The following SPIDR variants were observed in gnomAD, a reference collection of about 807,000 sequenced individuals.
SPIDR encodes the protein DNA repair-scaffolding protein.
SPIDR carries 93 observed loss-of-function variants against 104.6 expected under a neutral mutation model. That is an observed-to-expected ratio of 0.89 (90% confidence interval 0.75 to 1.06). The LOEUF (loss-of-function observed/expected upper bound fraction) is 1.06, where lower values mean the gene tolerates loss of function less well. Ranked by LOEUF, SPIDR falls within the 50% of genes least tolerant of loss-of-function variation. SPIDR has a pLI of 0.00. For synonymous variants in SPIDR, 431 were observed against 416.9 expected, an observed-to-expected ratio of 1.03 and a Z score of -0.41; for missense variants, 1,154 against 1,111.2, an observed-to-expected ratio of 1.04 and a Z score of -0.55.
intron 10 of SPIDR, among the ~76,000 whole-genome samples, chr8:47,617,559 C>G (rs965726370): frequency 6.6e-6 from 1 of 152,182 alleles, no homozygotes. Context: ...CCCTTCAGTG[C>G]TGTCAAATGG....
intron 16 of SPIDR, among the ~76,000 whole-genome samples, chr8:47,725,021 G>C (rs2084004544): frequency 6.6e-6 from 1 of 152,198 alleles, no homozygotes; most frequent in South Asian, 2.1e-4. Context: ...GGAAAGAGGG[G>C]TGAAGTCCTA....
At chr8:47,498,139 G>T (rs1452490523) in intron 8 of SPIDR, among the ~76,000 whole-genome samples, 1 of 152,174 alleles carries the variant, frequency 6.6e-6, no homozygotes, top group Admixed American at 6.5e-5. Context: ...AGACCGATGT[G>T]TGTTTTCTTA....
At chr8:47,261,142 G>A in intron 1 of SPIDR, 151 bp downstream of exon 1, 1 of 968,728 alleles carries the variant, frequency 1.0e-6, no homozygotes, top group Non-Finnish European at 1.3e-6. Context: ...GTCTGCGCGC[G>A]TGGAGCAAGC....
At chr8:47,625,292 C>T (rs561946409) in intron 10 of SPIDR, among the ~76,000 whole-genome samples, 1 of 152,312 alleles carries the variant, frequency 6.6e-6, no homozygotes, top group East Asian at 1.9e-4. Context: ...ACTGAATGGG[C>T]AAAAACTGGA....
chr8:47,298,680 A>G (rs1461950766), intron 5 of SPIDR, among the ~76,000 whole-genome samples: 1 of 152,220 alleles, frequency 6.6e-6, no homozygotes, highest in Non-Finnish European at 1.5e-5. Flanking sequence ...ATGGCTAGCC[A>G]GTTTTCCCAG....
chr8:47,524,615 G>A (rs762427096), intron 8 of SPIDR, among the ~76,000 whole-genome samples: 3 of 152,200 alleles, frequency 2.0e-5, no homozygotes, highest in Non-Finnish European at 2.9e-5. Context: ...CTCCTGGCAC[G>A]TCTTGCGGGT....
Position 47,440,528 on chromosome 8 carries a change from G to C in SPIDR, c.1083G>C (p.Arg361=), listed in dbSNP as rs201957494. 2,203 of 1,613,870 alleles carry C rather than the reference G, an allele frequency of 1.4e-3. 3 individuals are homozygous for C. The highest frequency in any genetic ancestry group is 1.7e-3 in the Non-Finnish European group (2,018 of 1,179,910). The change falls in exon 8 of 20, where the codon CGG becomes CGC. Residue 361 remains arginine, a synonymous_variant. Coordinates refer to ENST00000297423, the MANE Select transcript of SPIDR (RefSeq NM_001080394.4). ...YLRGRPQDTV[R]IFPPWQKLII... is the part of the protein sequence containing the mutation. ...GGGGCCGTCCCCAGGACACTGTCCG[G>C]ATCTTCCCTCCCTGGTGAGTGCGCA...
At chr8:47,581,398 C>T (rs909505350) in intron 8 of SPIDR, among the ~76,000 whole-genome samples, 2 of 152,126 alleles carry the variant, frequency 1.3e-5, no homozygotes, top group East Asian at 1.9e-4. Context: ...TAGAATTAAA[C>T]GAGGGCTTTC....
chr8:47,317,210 A>T (rs988735499), intron 5 of SPIDR, among the ~76,000 whole-genome samples: 21 of 152,148 alleles, frequency 1.4e-4, no homozygotes, highest in Non-Finnish European at 2.4e-4. Context: ...TAGATGGAGA[A>T]AGGGATGACA....
At chr8:47,451,818 A>G (rs1376362980) in intron 8 of SPIDR, among the ~76,000 whole-genome samples, 1 of 152,138 alleles carries the variant, frequency 6.6e-6, no homozygotes, top group Non-Finnish European at 1.5e-5. Flanking sequence ...ACCAGAAAAA[A>G]TATTTGAAGA....
chr8:47,421,608 C>A (rs1237922784), intron 7 of SPIDR, among the ~76,000 whole-genome samples: 1 of 152,198 alleles, frequency 6.6e-6, no homozygotes, highest in African/African-American at 2.4e-5. Flanking sequence ...CTTCTCTCAA[C>A]TTGTGAAAGT....
At chr8:47,483,868 G>A (rs2077198586) in intron 8 of SPIDR, among the ~76,000 whole-genome samples, 1 of 152,062 alleles carries the variant, frequency 6.6e-6, no homozygotes, top group Admixed American at 6.6e-5. Flanking sequence ...TGCATTCTTA[G>A]AAGCGAGTAT....
At chr8:47,294,052 A>T in intron 5 of SPIDR, 22 bp downstream of exon 5, 38 of 1,597,548 alleles carry the variant, frequency 2.4e-5, no homozygotes, top group Non-Finnish European at 3.1e-5. Flanking sequence ...GTATTTCAAA[A>T]CTTTTATTCA....
chr8:47,552,626 C>CA (rs1262647224), intron 8 of SPIDR, among the ~76,000 whole-genome samples: 2 of 152,076 alleles, frequency 1.3e-5, no homozygotes, highest in Admixed American at 6.6e-5. Context: ...GATCTTCCTC[C>CA]ATCCCTTTGT....
Position 47,321,309 on chromosome 8 carries a change from G to C in SPIDR, c.525+27279G>C, listed in dbSNP as rs532617349. Among the ~76,000 whole-genome samples the C allele has an allele frequency of 2.0e-4, 31 of 152,024 alleles. No individual in the cohort carries two copies. In the South Asian group the frequency reaches 2.7e-3, roughly 13 times the overall value. ...TTCTTATACACCAATAACAGAGAAAGAGAGAGCCAAATTATGAGTGAACTC... is the reference window on the plus strand; with the variant it reads ...TTCTTATACACCAATAACAGAGAAACAGAGAGCCAAATTATGAGTGAACTC... On this transcript the variant is annotated intron_variant, in intron 5 of 19. Coordinates refer to ENST00000297423, the MANE Select transcript of SPIDR (RefSeq NM_001080394.4).
intron 7 of SPIDR, among the ~76,000 whole-genome samples, chr8:47,428,292 C>A (rs900530170): frequency 6.7e-6 from 1 of 148,464 alleles, no homozygotes. Context: ...TGTGTAGATA[C>A]GTGGGTGTCT....
chr8:47,277,279 G>A (rs2036629093), intron 1 of SPIDR, among the ~76,000 whole-genome samples: 1 of 151,216 alleles, frequency 6.6e-6, no homozygotes, highest in South Asian at 2.1e-4. Flanking sequence ...GATCTTGGTG[G>A]TTTTATTTTA....
intron 10 of SPIDR, among the ~76,000 whole-genome samples, chr8:47,611,990 C>T (rs2063672186): frequency 6.6e-6 from 1 of 152,110 alleles, no homozygotes; most frequent in Non-Finnish European, 1.5e-5. Context: ...TGAGGCCTTC[C>T]ACACGTACCT....
At chr8:47,599,228 G>A (rs1181562854) in intron 10 of SPIDR, 32 bp downstream of exon 10, 12 of 1,608,964 alleles carry the variant, frequency 7.5e-6, no homozygotes, top group Non-Finnish European at 9.3e-6. Context: ...TGGGGCAGAG[G>A]TGAAGAGTCA....
Sources: gnomAD v4.1 joint callset for allele counts (sites outside exome capture counted in the v4.1 genomes callset) on GRCh38, gnomAD v4.1.1 for gene constraint, MANE v1.5 for transcripts, NCBI Gene and HGNC (gene_info 2026-07-23, HGNC 2026-07-21) for gene names.